The following TUBAL3 variants were observed in gnomAD, a reference collection of about 807,000 sequenced individuals.
TUBAL3 encodes tubulin alpha chain-like 3.
Under a neutral mutation model 15.5 loss-of-function variants are expected in TUBAL3, and 16 were observed. The observed-to-expected ratio is 1.04, with a 90% CI of 0.70 to 1.57. The LOEUF (loss-of-function observed/expected upper bound fraction) is 1.57, where lower values mean the gene tolerates loss of function less well. Among genes scored for constraint, TUBAL3 ranks in the 40% most tolerant of loss-of-function variants. The pLI is 0.00. For synonymous variants in TUBAL3, 238 were observed against 224.3 expected (o/e 1.06, Z -0.55); for missense variants, 609 against 576.2 (o/e 1.06, Z -0.58).
chr10:5,398,457 C>T (rs1831799424), intron 2 of TUBAL3, among the ~76,000 whole-genome samples: 1 of 144,196 alleles, frequency 6.9e-6, no homozygotes, highest in Admixed American at 6.9e-5. Flanking sequence ...AACTTATCCA[C>T]ATGTAGTGAC....
At position 5,395,330 on chromosome 10, in the gene TUBAL3, C is replaced by G; in HGVS notation, c.393G>C (p.Lys131Asn). The G allele has an allele frequency of 6.5e-7, 1 of 1,545,176 alleles. No homozygotes were observed. Among genetic ancestry groups the G allele is most frequent in the Non-Finnish European group, 8.8e-7 (1 of 1,138,326 alleles). ...GAGGAGAGGGGGAGCCACTTGCCAG[C>G]TTCCGGGTCCTCTCCAGCACAAGGT... is the stretch of plus-strand genomic sequence containing the variant. ...VIDLVLERTR[K>N]LAEQCGGLQG... The change falls in exon 3 of 4, where the codon AAG becomes AAC. Residue 131 changes from lysine (K) to asparagine (N), a missense_variant. Lys to Asn is a moderately conservative substitution (Grantham distance 94). Transcript: ENST00000380419. This position sits in a 1 kb window ranked among gnomAD's most constrained non-coding sequence, Gnocchi z 4.6.
Position 5,400,936 on chromosome 10 carries a change from G to A in TUBAL3, c.155C>T (p.Thr52Ile), listed in dbSNP as rs782671416. The change falls in exon 2 of 4, where the codon ACA (threonine) becomes ATA (isoleucine). Residue 52 changes from threonine (T) to isoleucine (I), a missense_variant. By Grantham distance (89) the Thr-to-Ile change is moderately conservative (BLOSUM62 -1). Coordinates refer to ENST00000380419, the MANE Select transcript of TUBAL3 (RefSeq NM_024803.3). Reference sequence around the variant, plus strand: ...GAAGAAGGTATCGAAAGATGCATTTGTGTGCTCCATTTTTGCATTTTCCAG... The same window carrying A: ...GAAGAAGGTATCGAAAGATGCATTTATGTGCTCCATTTTTGCATTTTCCAG... ...DQLENAKMEH[T>I]NASFDTFFCE... The A allele has an allele frequency of 3.1e-6, 5 of 1,614,202 alleles. No homozygotes were observed. In the Admixed American group the frequency reaches 8.3e-5, roughly 27 times the overall value.
intron 1 of TUBAL3, among the ~76,000 whole-genome samples, chr10:5,401,440 G>C (rs562804067): frequency 9.7e-4 from 147 of 152,110 alleles, no homozygotes; most frequent in African/African-American, 3.4e-3. Context: ...ATGTGTGTGT[G>C]TGTGTGTGTG....
chr10:5,398,625 A>T (rs1831801925), intron 2 of TUBAL3, among the ~76,000 whole-genome samples: 2 of 151,976 alleles, frequency 1.3e-5, no homozygotes, highest in African/African-American at 4.8e-5. Context: ...AAACAAACAT[A>T]TTGGATGACT....
In TUBAL3 at chr10:5,395,711, T is replaced by C. The variant is rs1588412472; in HGVS notation, c.248-236A>G. ...TACCATGCACCCCTTATTAGTTTCC[T>C]AGTGCTGCCATAACCAATGACAACA... is the stretch of plus-strand genomic sequence containing the variant. On this transcript the variant is annotated intron_variant, in intron 2 of 3. Coordinates refer to ENST00000380419, the MANE Select transcript of TUBAL3 (RefSeq NM_024803.3). This position sits in a 1 kb window ranked among gnomAD's most constrained non-coding sequence, Gnocchi z 4.6. 1.3e-5 allele frequency among the ~76,000 whole-genome samples: 2 copies of C among 152,314 alleles called. No individual in the cohort carries two copies. The highest frequency in any genetic ancestry group is 4.8e-5 in the African/African-American group (2 of 41,572).
chr10:5,403,079 C>T (rs1831880749), intron 1 of TUBAL3, among the ~76,000 whole-genome samples: 1 of 152,176 alleles, frequency 6.6e-6, no homozygotes, highest in Non-Finnish European at 1.5e-5. Context: ...GCTTCATGAC[C>T]AATTCAAGTT....
In TUBAL3 at chr10:5,397,737, G is replaced by A. The variant is rs1831785708; in HGVS notation, c.248-2262C>T. 6.6e-6 allele frequency among the ~76,000 whole-genome samples: 1 copy of A among 152,150 alleles called. No individual in the cohort carries two copies. Among genetic ancestry groups the A allele is most frequent in the Non-Finnish European group, 1.5e-5 (1 of 68,032 alleles). ...GCTTCCTTAACTACGGTGTCAGTCA[G>A]CTGCATTCCACTTCAATCATCATCA... On this transcript the variant is annotated intron_variant, in intron 2 of 3. Coordinates refer to ENST00000380419, the MANE Select transcript of TUBAL3 (RefSeq NM_024803.3). This position sits in a 1 kb window ranked among gnomAD's most constrained non-coding sequence, Gnocchi z 4.9.
At chr10:5,404,571 G>A (rs1831902479) in intron 1 of TUBAL3, among the ~76,000 whole-genome samples, 1 of 152,182 alleles carries the variant, frequency 6.6e-6, no homozygotes, top group Non-Finnish European at 1.5e-5. Context: ...CAAATCAACT[G>A]AGCTTTACCT....
chr10:5,399,039 C>T (rs1554814412), intron 2 of TUBAL3, among the ~76,000 whole-genome samples: 1 of 152,038 alleles, frequency 6.6e-6, no homozygotes, highest in East Asian at 1.9e-4. Context: ...TGTTAAAAGA[C>T]AATAGATTTA....
chr10:5,395,046 G>A lies in TUBAL3; in HGVS notation c.396+281C>T, dbSNP rs1831742305. 6.6e-6 allele frequency among the ~76,000 whole-genome samples: 1 copy of A among 152,162 alleles called. No individual in the cohort carries two copies. The highest frequency in any genetic ancestry group is 6.5e-5 in the Admixed American group (1 of 15,282). On this transcript the variant is annotated intron_variant, in intron 3 of 3. Coordinates refer to ENST00000380419, the MANE Select transcript of TUBAL3 (RefSeq NM_024803.3). The surrounding 1 kb of genome is among the most constrained non-coding windows in gnomAD (Gnocchi z 4.6). ...AAGTGACAGGTTTTAGAGTGCTATG[G>A]GAGTCTCTCGTAACAAGATGAACCC...
Position 5,397,481 on chromosome 10 carries a change from A to C in TUBAL3, c.248-2006T>G, listed in dbSNP as rs1554814261. On this transcript the variant is annotated intron_variant, in intron 2 of 3. Transcript: ENST00000380419. The surrounding 1 kb of genome is among the most constrained non-coding windows in gnomAD (Gnocchi z 4.9). ...ATTTACGGAAGCTTCCTTCTTCATG[A>C]CAATGTTGAGTCGGGATCTTGAGGG... 6.6e-6 allele frequency among the ~76,000 whole-genome samples: 1 copy of C among 152,218 alleles called. No individual in the cohort carries two copies. The highest frequency in any genetic ancestry group is 2.4e-5 in the African/African-American group (1 of 41,456).
Position 5,394,518 on chromosome 10 carries a change from T to C in TUBAL3, c.397-57A>G, listed in dbSNP as rs1260976321. 6.7e-7 allele frequency: 1 copy of C among 1,491,526 alleles called. No individual in the cohort carries two copies. The highest frequency in any genetic ancestry group is 1.4e-5 in the African/African-American group (1 of 71,432). The allele number at this position is 1,491,526 out of a possible 1,614,324, so 92.4% of individuals were successfully genotyped here. A position where few individuals can be genotyped will look rare whatever the true frequency, so the allele number is the denominator to read the frequency against. On this transcript the variant is annotated intron_variant, in intron 3 of 3. Coordinates refer to ENST00000380419, the MANE Select transcript of TUBAL3 (RefSeq NM_024803.3). This position sits in a 1 kb window ranked among gnomAD's most constrained non-coding sequence, Gnocchi z 4.3. ...GCTGAATAAATCCAGAAGCAGTGAA[T>C]TGGACAGTAGTGGCAGGATACAACA...
At chr10:5,398,791 G>A (rs909529617) in intron 2 of TUBAL3, among the ~76,000 whole-genome samples, 9 of 152,106 alleles carry the variant, frequency 5.9e-5, no homozygotes, top group African/African-American at 2.2e-4. Flanking sequence ...GCTGTTGTTA[G>A]TGTGAGTATA....
chr10:5,393,450 A>C lies in TUBAL3; in HGVS notation c.*67T>G, dbSNP rs1554813670. On this transcript the variant is annotated 3_prime_UTR_variant, in exon 4 of 4. Transcript: ENST00000380419. ...TCATCAGGGGAACTACCCACTAGGC[A>C]TATAACGGCTTGAAAAGAAAACATG... 2 of 1,417,316 alleles carry C rather than the reference A, an allele frequency of 1.4e-6. No individual in the cohort carries two copies. 87.8% of individuals were successfully genotyped at this position (1,417,316 alleles called of 1,614,324 possible).
At chr10:5,402,739 A>G (rs919105799) in intron 1 of TUBAL3, among the ~76,000 whole-genome samples, 1 of 152,254 alleles carries the variant, frequency 6.6e-6, no homozygotes, top group Non-Finnish European at 1.5e-5. Context: ...TCATAGGGGC[A>G]CTAACCCTAT....
chr10:5,394,033 G>C lies in TUBAL3; in HGVS notation c.825C>G (p.Pro275=). The change falls in exon 4 of 4, where the codon CCC becomes CCG. Residue 275 remains proline, a synonymous_variant. Transcript: ENST00000380419. The surrounding 1 kb of genome is among the most constrained non-coding windows in gnomAD (Gnocchi z 4.3). ...AGACGATGGGGGCGAAGGCTGTCAT[G>C]GGGAAATGTATTCTCGGATAAGGTA... is the stretch of plus-strand genomic sequence containing the variant. The part of the protein sequence containing the change: ...NLVPYPRIHF[P]MTAFAPIVSA... 4.3e-6 allele frequency: 7 copies of C among 1,614,180 alleles called. No homozygotes were observed. Among genetic ancestry groups the C allele is most frequent in the Non-Finnish European group, 5.9e-6 (7 of 1,180,018 alleles).
intron 1 of TUBAL3, among the ~76,000 whole-genome samples, chr10:5,401,455 C>T (rs920088759): frequency 2.8e-5 from 4 of 141,838 alleles, no homozygotes; most frequent in African/African-American, 1.1e-4. Context: ...TGTGTGTGTG[C>T]GTGTAGTTAT....
intron 1 of TUBAL3, among the ~76,000 whole-genome samples, chr10:5,401,645 G>GAACTTAAAA (rs1831852619): frequency 6.6e-6 from 1 of 151,846 alleles, no homozygotes; most frequent in Admixed American, 6.6e-5. Flanking sequence ...AAACTAGTGG[G>GAACTTAAAA]AAATTTTACA....
In TUBAL3 at chr10:5,395,314, G is replaced by C; in HGVS notation, c.396+13C>G. Reference sequence around the variant, plus strand: ...AGGCACAGCCCACTCGGAGGAGAGGGGGAGCCACTTGCCAGCTTCCGGGTC... The same window carrying C: ...AGGCACAGCCCACTCGGAGGAGAGGCGGAGCCACTTGCCAGCTTCCGGGTC... On this transcript the variant is annotated intron_variant, in intron 3 of 3. Transcript: ENST00000380419. This position sits in a 1 kb window ranked among gnomAD's most constrained non-coding sequence, Gnocchi z 4.6. 1 of 1,524,128 alleles carries C rather than the reference G, an allele frequency of 6.6e-7. No individual in the cohort carries two copies. Among genetic ancestry groups the C allele is most frequent in the South Asian group, 1.3e-5 (1 of 79,218 alleles). 94.4% of individuals were successfully genotyped at this position (1,524,128 alleles called of 1,614,324 possible).
Sources: gnomAD v4.1 joint callset for allele counts (sites outside exome capture counted in the v4.1 genomes callset) on GRCh38, gnomAD v4.1.1 for gene constraint, Gnocchi (gnomAD v3.1) non-coding constraint, MANE v1.5 for transcripts, NCBI Gene and HGNC (gene_info 2026-07-23, HGNC 2026-07-21) for gene names.